The following ADAMTS4 variants were observed in gnomAD, a reference collection of about 807,000 sequenced individuals.
The protein encoded by ADAMTS4 is ADAM metallopeptidase with thrombospondin type 1 motif 4, also known as A disintegrin and metalloproteinase with thrombospondin motifs 4.
In ADAMTS4, 38 loss-of-function variants were observed where a neutral mutation model predicts 66.7. That is an observed-to-expected ratio of 0.57 (90% CI 0.44 to 0.75). The LOEUF is 0.75. Among genes scored for constraint, ADAMTS4 ranks in the 30% least tolerant of loss-of-function variants. ADAMTS4 has a pLI of 0.00. For synonymous variants in ADAMTS4, 418 were observed against 461.5 expected (o/e 0.91, Z 1.21); for missense variants, 1,014 against 1,116.7 (o/e 0.91, Z 1.31).
At position 161,193,485 on chromosome 1, in the gene ADAMTS4, C is replaced by T. The variant is rs74124656; in HGVS notation, c.1736-97G>A. The T allele has an allele frequency of 1.2e-3, 1,822 of 1,531,316 alleles. 7 individuals are homozygous for T. The African/African-American group carries it at 0.013, about 11-fold the overall frequency. The allele number at this position is 1,531,316 out of a possible 1,614,324, so 94.9% of individuals were successfully genotyped here. On this transcript the variant is annotated intron_variant, in intron 6 of 8. Coordinates refer to ENST00000367996, the MANE Select transcript of ADAMTS4 (RefSeq NM_005099.6). The surrounding 1 kb of genome is among the most constrained non-coding windows in gnomAD (Gnocchi z 4.4). ...GAGAACTCTAGACAGCACAGCTCTGCTCTTCCCTGCAGACGGCCAAGGACA... is the reference window on the plus strand; with the variant it reads ...GAGAACTCTAGACAGCACAGCTCTGTTCTTCCCTGCAGACGGCCAAGGACA...
At position 161,198,175 on chromosome 1, in the gene ADAMTS4, G is replaced by A. The variant is rs749913480; in HGVS notation, c.453C>T (p.Gly151=). ...SLHWDGGALL[G]VLQYRGAELH... ...GTTCAGCCCCCCGATATTGTAACAC[G>A]CCTAACAGGGCTCCCCCATCCCAGT... Residue 151 remains glycine, a synonymous_variant, in exon 1 of 9, where the codon GGC becomes GGT. Transcript: ENST00000367996. The surrounding 1 kb of genome is among the most constrained non-coding windows in gnomAD (Gnocchi z 4.7). The A allele has an allele frequency of 3.7e-6, 6 of 1,613,878 alleles. No individual in the cohort carries two copies. The highest frequency in any genetic ancestry group is 1.6e-4 in the Middle Eastern group (1 of 6,082).
Position 161,198,927 on chromosome 1 carries a change from G to C in ADAMTS4, c.-300C>G, listed in dbSNP as rs1306731933. On this transcript the variant is annotated 5_prime_UTR_variant, in exon 1 of 9. Transcript: ENST00000367996. This position sits in a 1 kb window ranked among gnomAD's most constrained non-coding sequence, Gnocchi z 4.7. ...GCTTCTCTGGCCTCTCCCTCTGTAGGACTCTGTCTGGGCCGCTTCTGTGCC... is the reference window on the plus strand; with the variant it reads ...GCTTCTCTGGCCTCTCCCTCTGTAGCACTCTGTCTGGGCCGCTTCTGTGCC... 3 of 360,292 alleles carry C rather than the reference G, an allele frequency of 8.3e-6. No individual in the cohort carries two copies. Among genetic ancestry groups the C allele is most frequent in the African/African-American group, 6.3e-5 (3 of 47,928 alleles). 22.3% of individuals were successfully genotyped at this position (360,292 alleles called of 1,614,324 possible). A position where few individuals can be genotyped will look rare whatever the true frequency, so the allele number is the denominator to read the frequency against.
chr1:161,198,036 C>G lies in ADAMTS4; in HGVS notation c.592G>C (p.Ala198Pro). The stretch of plus-strand genomic sequence containing the variant: ...CTGGGGCTGGGGCTTCCAAGAGGAG[C>G]CTTGACGTTGCACATGGGACCTTGA... ...SGQGPMCNVK[A>P]PLGSPSPRPR... Residue 198 changes from alanine (A) to proline (P), a missense_variant, in exon 1 of 9, where the codon GCT becomes CCT. Transcript: ENST00000367996. This position sits in a 1 kb window ranked among gnomAD's most constrained non-coding sequence, Gnocchi z 4.7. 6.3e-7 allele frequency: 1 copy of G among 1,592,368 alleles called. No individual in the cohort carries two copies. Among genetic ancestry groups the G allele is most frequent in the Non-Finnish European group, 8.6e-7 (1 of 1,166,866 alleles).
chr1:161,195,424 AT>A, intron 4 of ADAMTS4, 40 bp downstream of exon 4: 1 of 1,558,100 alleles, frequency 6.4e-7, no homozygotes, highest in Non-Finnish European at 8.7e-7. Context: ...GAGGACAGGA[AT>A]TGAGTGCTAC....
In ADAMTS4 at chr1:161,191,495, G is replaced by A. The variant is rs756468773; in HGVS notation, c.2157C>T (p.Asn719=). The A allele has an allele frequency of 6.2e-7, 1 of 1,613,990 alleles. No individual in the cohort carries two copies. The change falls in exon 9 of 9, where the codon AAC becomes AAT. Residue 719 remains asparagine (N), a synonymous_variant. Transcript: ENST00000367996. ...CCAAGTAGATGCTCCGGTGGCCAGG[G>A]TTTCCCTGCTGCCGGACAAGAATGT... The part of the protein sequence containing the change: ...ATHILVRQQG[N]PGHRSIYLAL...
rs768311173 is a variant in ADAMTS4 at position 161,193,774 on chromosome 1, C to T, written c.1601G>A (p.Arg534Gln). Residue 534 changes from arginine to glutamine, a missense_variant, in exon 6 of 9, where the codon CGG becomes CAG. Arg to Gln is a conservative substitution (Grantham distance 43, BLOSUM62 1). Coordinates refer to ENST00000367996, the MANE Select transcript of ADAMTS4 (RefSeq NM_005099.6). The surrounding 1 kb of genome is among the most constrained non-coding windows in gnomAD (Gnocchi z 4.4). ...GPWGPWGDCS[R>Q]TCGGGVQFSS... ...GAACTGGACACCACCCCCACAGGTC[C>T]GAGAGCAGTCACCCCATGGTCCCCA... 35 of 1,613,516 alleles carry T rather than the reference C, an allele frequency of 2.2e-5. No homozygotes were observed. Among genetic ancestry groups the T allele is most frequent in the East Asian group, 4.5e-5 (2 of 44,896 alleles).
Position 161,198,983 on chromosome 1 carries a change from T to G in ADAMTS4, c.-356A>C. ...TGTCTCTGCCTTCTTCCGCTGTGCC[T>G]TTGTCTCTGTCTCTTTCCTCCTCTG... On this transcript the variant is annotated 5_prime_UTR_variant, in exon 1 of 9. Transcript: ENST00000367996. The surrounding 1 kb of genome is among the most constrained non-coding windows in gnomAD (Gnocchi z 4.7). 1 of 236,554 alleles carries G rather than the reference T, an allele frequency of 4.2e-6. No individual in the cohort carries two copies. Among genetic ancestry groups the G allele is most frequent in the Non-Finnish European group, 8.2e-6 (1 of 122,184 alleles). The allele number at this position is 236,554 out of a possible 1,614,324, so 14.7% of individuals were successfully genotyped here.
In ADAMTS4 at chr1:161,196,732, G is replaced by C; in HGVS notation, c.782C>G (p.Pro261Arg). 6.2e-7 allele frequency: 1 copy of C among 1,613,846 alleles called. No individual in the cohort carries two copies. The change falls in exon 2 of 9, where the codon CCT (proline) becomes CGT (arginine). Residue 261 changes from proline to arginine, a missense_variant. By Grantham distance (103) the Pro-to-Arg change is moderately radical. Coordinates refer to ENST00000367996, the MANE Select transcript of ADAMTS4 (RefSeq NM_005099.6). ...KAFKHPSIRN[P>R]VSLVVTRLVI... The stretch of plus-strand genomic sequence containing the variant: ...TAGCCGAGTCACCACCAAGCTGACA[G>C]GATTGCGGATGCTTGGGTGCTTGAA...
chr1:161,196,912 A>AAGCT, intron 1 of ADAMTS4, 32 bp from the exon 2 acceptor site: 1 of 1,550,400 alleles, frequency 6.4e-7, no homozygotes, highest in South Asian at 1.2e-5. Flanking sequence ...AAGATCCTGA[A>AAGCT]ATAGCCTCTC....
intron 8 of ADAMTS4, 138 bp downstream of exon 8, chr1:161,191,927 C>G (rs1452881503): frequency 9.2e-7 from 1 of 1,081,828 alleles, no homozygotes; most frequent in East Asian, 2.4e-5. Flanking sequence ...CATGGGAAAC[C>G]GCACTGTAGC....
In ADAMTS4 at chr1:161,198,279, C is replaced by T. The variant is rs769763806; in HGVS notation, c.349G>A (p.Glu117Lys). The part of the protein sequence containing the change: ...LTVQYLGQAP[E>K]LLGGAEPGTY... ...CCAGGCTCTGCTCCACCCAGCAGCT[C>T]AGGCGCCTGGCCCAGGTACTGCACT... Residue 117 changes from glutamate to lysine, a missense_variant, in exon 1 of 9, where the codon GAG becomes AAG. Transcript: ENST00000367996. This position sits in a 1 kb window ranked among gnomAD's most constrained non-coding sequence, Gnocchi z 4.7. 3 of 1,613,760 alleles carry T rather than the reference C, an allele frequency of 1.9e-6. No individual in the cohort carries two copies. The highest frequency in any genetic ancestry group is 2.5e-6 in the Non-Finnish European group (3 of 1,180,030).
In ADAMTS4 at chr1:161,198,442, C is replaced by G. The variant is rs1290280992; in HGVS notation, c.186G>C (p.Val62=). The stretch of plus-strand genomic sequence containing the variant: ...CGCTGCCGTTGAGCTTCTCTGGAAA[C>G]ACGATCTCCTCCTCCCGGGGGAGGG... The part of the protein sequence containing the change: ...ASPLPREEEI[V]FPEKLNGSVL... The change falls in exon 1 of 9, where the codon GTG becomes GTC. Residue 62 remains valine (V), a synonymous_variant. Transcript: ENST00000367996. This position sits in a 1 kb window ranked among gnomAD's most constrained non-coding sequence, Gnocchi z 4.7. The G allele has an allele frequency of 2.5e-6, 4 of 1,584,604 alleles. No individual in the cohort carries two copies. The African/African-American group carries it at 5.4e-5, about 21-fold the overall frequency.
rs2102015693 is a variant in ADAMTS4 at position 161,196,112 on chromosome 1, T to G, written c.1090+59A>C. On this transcript the variant is annotated intron_variant, in intron 3 of 8. Coordinates refer to ENST00000367996, the MANE Select transcript of ADAMTS4 (RefSeq NM_005099.6). Reference sequence around the variant, plus strand: ...ACCCCCATTAACACTGTGGTGAACTTGCTACCCCCTCCCCCACCTTCTCCT... The same window carrying G: ...ACCCCCATTAACACTGTGGTGAACTGGCTACCCCCTCCCCCACCTTCTCCT... 3.3e-6 allele frequency: 5 copies of G among 1,524,358 alleles called. No individual in the cohort carries two copies. In the East Asian group the frequency reaches 9.2e-5, roughly 28 times the overall value. The allele number at this position is 1,524,358 out of a possible 1,614,324, so 94.4% of individuals were successfully genotyped here. A position where few individuals can be genotyped will look rare whatever the true frequency, so the allele number is the denominator to read the frequency against.
Position 161,186,974 on chromosome 1 carries a change from C to T in ADAMTS4, c.*4164G>A, listed in dbSNP as rs530260826. ...CAAGATCACACCACTGTACTCCTGC[C>T]TGGTCAACAAAGGGAGACCCTATCT... On this transcript the variant is annotated 3_prime_UTR_variant, in exon 9 of 9. Transcript: ENST00000367996. The T allele has an allele frequency of 1.3e-5, 2 of 152,138 alleles. No individual in the cohort carries two copies. The highest frequency in any genetic ancestry group is 2.9e-5 in the Non-Finnish European group (2 of 68,046). 9.4% of individuals were successfully genotyped at this position (152,138 alleles called of 1,614,324 possible).
chr1:161,194,327 C>G lies in ADAMTS4; in HGVS notation c.1262-106G>C. On this transcript the variant is annotated intron_variant, in intron 4 of 8. Transcript: ENST00000367996. The surrounding 1 kb of genome is among the most constrained non-coding windows in gnomAD (Gnocchi z 4.1). ...TGGGGCCTGATGGAGCCTAGAAAAA[C>G]AATCCTAGGACTATAAGAGGATTTA... is the stretch of plus-strand genomic sequence containing the variant. 2 of 1,034,234 alleles carry G rather than the reference C, an allele frequency of 1.9e-6. No individual in the cohort carries two copies. The highest frequency in any genetic ancestry group is 2.8e-6 in the Non-Finnish European group (2 of 707,904). 64.1% of individuals were successfully genotyped at this position (1,034,234 alleles called of 1,614,324 possible).
At chr1:161,197,144 G>T in intron 1 of ADAMTS4, 1 of 436,648 alleles carries the variant, frequency 2.3e-6, no homozygotes. Context: ...CCAGGGCTGC[G>T]GGAGCCCCAG....
chr1:161,197,001 C>T (rs1664869442), intron 1 of ADAMTS4, 121 bp from the exon 2 acceptor site: 1 of 935,064 alleles, frequency 1.1e-6, no homozygotes, highest in African/African-American at 1.7e-5. Flanking sequence ...GCCCCACACA[C>T]CCCACGGGAT....
chr1:161,193,720 G>C lies in ADAMTS4; in HGVS notation c.1655C>G (p.Pro552Arg), dbSNP rs1302363791. The change falls in exon 6 of 9, where the codon CCC becomes CGC. Residue 552 changes from proline to arginine, a missense_variant. Transcript: ENST00000367996. This position sits in a 1 kb window ranked among gnomAD's most constrained non-coding sequence, Gnocchi z 4.4. ...CTCACAGTACTTGCCACCATTCCGG[G>C]GGACAGGCCTCGTGCAGTCTCGGGA... ...FSSRDCTRPVPRNGGKYCEGR... is the reference protein window; with the variant it reads ...FSSRDCTRPVRRNGGKYCEGR... The C allele has an allele frequency of 1.9e-6, 3 of 1,614,112 alleles. No individual in the cohort carries two copies. The highest frequency in any genetic ancestry group is 8.5e-7 in the Non-Finnish European group (1 of 1,180,004).
chr1:161,195,632 T>A lies in ADAMTS4; in HGVS notation c.1094A>T (p.His365Leu), dbSNP rs1404765211. ...GTTGTCATGGAGCATGTTGAAGACA[T>A]GACCTGTGGGAGCAAAGGCCCTGAT... is the stretch of plus-strand genomic sequence containing the variant. ...SAFTAAHELGHVFNMLHDNSK... is the reference protein window; with the variant it reads ...SAFTAAHELGLVFNMLHDNSK... The change falls in exon 4 of 9, where the codon CAT becomes CTT. Residue 365 changes from histidine (H) to leucine (L), a missense_variant. Physicochemically the swap from His to Leu is moderately conservative, Grantham distance 99. Transcript: ENST00000367996. 3.1e-6 allele frequency: 5 copies of A among 1,610,902 alleles called. No individual in the cohort carries two copies. Among genetic ancestry groups the A allele is most frequent in the Non-Finnish European group, 4.2e-6 (5 of 1,178,422 alleles).
Sources: allele counts gnomAD v4.1 joint callset, GRCh38; gene constraint gnomAD v4.1.1; non-coding constraint Gnocchi (gnomAD v3.1); transcripts MANE v1.5; gene names NCBI Gene and HGNC (gene_info 2026-07-23, HGNC 2026-07-21).